RAB4A: variants seen among roughly 807,000 people sequenced by gnomAD.
RAB4A encodes RAB4A, member RAS oncogene family.
In RAB4A, 20 loss-of-function variants were observed where a neutral mutation model predicts 34.5. That is an observed-to-expected ratio of 0.58 (90% CI 0.41 to 0.84). The LOEUF (loss-of-function observed/expected upper bound fraction) is 0.84. Among genes scored for constraint, RAB4A ranks in the 40% least tolerant of loss-of-function variants. The probability of loss-of-function intolerance (pLI) is 0.00; values close to 1 mark genes in which losing one functional copy is unlikely to be tolerated. For missense variants in RAB4A, 228 were observed against 274.5 expected, an observed-to-expected ratio of 0.83 and a Z score of 1.20; for synonymous variants, 102 against 100.0, an observed-to-expected ratio of 1.02 and a Z score of -0.12.
At chr1:229,271,404 G>T (rs1336885058) in intron 1 of RAB4A, 34 bp downstream of exon 1, 2 of 1,208,028 alleles carry the variant, frequency 1.7e-6, no homozygotes, top group Non-Finnish European at 1.0e-6. Context: ...CGCGCGGGTC[G>T]GGCCGCGGGG....
At chr1:229,287,334 T>G (rs1049565940) in intron 2 of RAB4A, among the ~76,000 whole-genome samples, 3 of 152,136 alleles carry the variant, frequency 2.0e-5, no homozygotes, top group African/African-American at 7.2e-5. Flanking sequence ...TCCTAGAAAT[T>G]TACTCTGCTT....
At chr1:229,292,223 T>C (rs1287248382) in intron 3 of RAB4A, among the ~76,000 whole-genome samples, 1 of 147,548 alleles carries the variant, frequency 6.8e-6, no homozygotes, top group Non-Finnish European at 1.5e-5. Flanking sequence ...ATAATAATAA[T>C]AAATAAATAA....
chr1:229,302,691 A>G (rs1415970098), intron 6 of RAB4A, among the ~76,000 whole-genome samples, 171 bp from the exon 7 acceptor site: 1 of 151,740 alleles, frequency 6.6e-6, no homozygotes, highest in Non-Finnish European at 1.5e-5. Flanking sequence ...GTATCCTGCT[A>G]GAGATGTTTT....
chr1:229,292,609 A>G (rs1657121778), intron 3 of RAB4A, among the ~76,000 whole-genome samples: 1 of 152,204 alleles, frequency 6.6e-6, no homozygotes, highest in Non-Finnish European at 1.5e-5. Context: ...CAGAGAGGAA[A>G]AGCTTCAAGC....
intron 1 of RAB4A, among the ~76,000 whole-genome samples, chr1:229,276,976 C>T (rs1473490486): frequency 6.9e-6 from 1 of 145,164 alleles, no homozygotes; most frequent in East Asian, 2.0e-4. Context: ...TTTAGAAGAA[C>T]TATATATCTA....
Position 229,298,963 on chromosome 1 carries a change from G to C in RAB4A, c.446-14G>C. 1 of 1,583,880 alleles carries C rather than the reference G, an allele frequency of 6.3e-7. No homozygotes were observed. On this transcript the variant is annotated splice_polypyrimidine_tract_variant and intron_variant, in intron 5 of 7. Coordinates refer to ENST00000366690, the MANE Select transcript of RAB4A (RefSeq NM_004578.4). ...TTCTAAACATGACTTTATTTTGTTTGATGTCCATTTTAGAGCTGATGTTTT... is the reference window on the plus strand; with the variant it reads ...TTCTAAACATGACTTTATTTTGTTTCATGTCCATTTTAGAGCTGATGTTTT...
intron 1 of RAB4A, among the ~76,000 whole-genome samples, chr1:229,272,419 C>T (rs1277833113): frequency 2.0e-5 from 3 of 152,108 alleles, no homozygotes; most frequent in Non-Finnish European, 1.5e-5. Context: ...GAGGGCTGTA[C>T]ATCCTGCAGA....
chr1:229,293,087 A>G (rs188296290), intron 3 of RAB4A, among the ~76,000 whole-genome samples: 1 of 152,154 alleles, frequency 6.6e-6, no homozygotes, highest in East Asian at 1.9e-4. Context: ...CAGGAAAAAC[A>G]TTTTTCCTGG....
chr1:229,295,271 G>A (rs1327385372), intron 3 of RAB4A, among the ~76,000 whole-genome samples: 3 of 152,172 alleles, frequency 2.0e-5, no homozygotes, highest in African/African-American at 7.2e-5. Flanking sequence ...AAGAGGGTGA[G>A]ATTGACAATG....
At chr1:229,275,524 C>T (rs1353058852) in intron 1 of RAB4A, among the ~76,000 whole-genome samples, 5 of 151,438 alleles carry the variant, frequency 3.3e-5, no homozygotes, top group Non-Finnish European at 7.4e-5. Context: ...AGGCTTTGCT[C>T]ATCAAAATAC....
chr1:229,294,568 G>C (rs1401014216), intron 3 of RAB4A, among the ~76,000 whole-genome samples: 1 of 152,220 alleles, frequency 6.6e-6, no homozygotes, highest in Non-Finnish European at 1.5e-5. Context: ...GGCCACGCGT[G>C]GTGGCTCACG....
intron 6 of RAB4A, among the ~76,000 whole-genome samples, chr1:229,302,325 T>TTC (rs1182960771): frequency 2.1e-5 from 2 of 95,836 alleles, no homozygotes; most frequent in African/African-American, 7.8e-5. Flanking sequence ...TTTTTTTTTT[T>TTC]ACATGTGCAT....
In RAB4A at chr1:229,298,864, G is replaced by A; in HGVS notation, c.446-113G>A. The A allele has an allele frequency of 6.8e-6, 5 of 737,438 alleles. No individual in the cohort carries two copies. In the South Asian group the frequency reaches 8.1e-5, roughly 12 times the overall value. 45.7% of individuals were successfully genotyped at this position (737,438 alleles called of 1,614,324 possible). ...TATTTACAGAAATATATGGTTTTAGGTCATAAATTATATTTCGTCTGCTTT... is the reference window on the plus strand; with the variant it reads ...TATTTACAGAAATATATGGTTTTAGATCATAAATTATATTTCGTCTGCTTT... On this transcript the variant is annotated intron_variant, in intron 5 of 7. Transcript: ENST00000366690.
rs145027015 is a variant in RAB4A at position 229,278,808 on chromosome 1, A to G, written c.31+7438A>G. 9.9e-5 allele frequency among the ~76,000 whole-genome samples: 15 copies of G among 152,224 alleles called. No individual in the cohort carries two copies. The East Asian group carries it at 2.9e-3, about 29-fold the overall frequency. ...TTTTACTTCCTTCATTCTTCAACTG[A>G]CTGTAATTAGGATTTTGCCCCCACC... On this transcript the variant is annotated intron_variant, in intron 1 of 7. Coordinates refer to ENST00000366690, the MANE Select transcript of RAB4A (RefSeq NM_004578.4).
chr1:229,302,400 G>T (rs1657437293), intron 6 of RAB4A, among the ~76,000 whole-genome samples: 1 of 145,280 alleles, frequency 6.9e-6, no homozygotes, highest in East Asian at 2.0e-4. Context: ...AAGCATTTGG[G>T]ATCTTGGTGT....
intron 3 of RAB4A, among the ~76,000 whole-genome samples, chr1:229,294,756 G>A (rs1657191338): frequency 6.6e-6 from 1 of 152,146 alleles, no homozygotes; most frequent in Non-Finnish European, 1.5e-5. Flanking sequence ...CTTGAACCTG[G>A]GAGGCAGAGG....
chr1:229,294,360 G>A (rs1050346266), intron 3 of RAB4A, among the ~76,000 whole-genome samples: 2 of 152,270 alleles, frequency 1.3e-5, no homozygotes, highest in Non-Finnish European at 2.9e-5. Flanking sequence ...TGGCTGGTGA[G>A]CGGGAGGAAG....
chr1:229,275,344 G>C (rs568384525), intron 1 of RAB4A, among the ~76,000 whole-genome samples: 2 of 152,288 alleles, frequency 1.3e-5, no homozygotes, highest in East Asian at 3.9e-4. Flanking sequence ...CCAGAAGCTA[G>C]AGAGAGGCAA....
At chr1:229,282,638 T>C (rs1656805383) in intron 1 of RAB4A, among the ~76,000 whole-genome samples, 1 of 152,206 alleles carries the variant, frequency 6.6e-6, no homozygotes, top group African/African-American at 2.4e-5. Context: ...TTTTATTCTT[T>C]GTTGTTCAGA....
Sources: gnomAD v4.1 joint callset for allele counts (sites outside exome capture counted in the v4.1 genomes callset) on GRCh38, gnomAD v4.1.1 for gene constraint, MANE v1.5 for transcripts, NCBI Gene and HGNC (gene_info 2026-07-23, HGNC 2026-07-21) for gene names.